The following DAB1 variants were observed in gnomAD, a reference collection of about 807,000 sequenced individuals.
The protein encoded by DAB1 is DAB adaptor protein 1.
In DAB1, 15 loss-of-function variants were observed where a neutral mutation model predicts 64.6. That is an observed-to-expected ratio of 0.23 (90% CI 0.16 to 0.36). The LOEUF is 0.36. Among genes scored for constraint, DAB1 ranks in the 10% least tolerant of loss-of-function variants. DAB1 has a pLI of 1.00. For missense variants in DAB1, 596 were observed against 706.7 expected (o/e 0.84, Z 1.78); for synonymous variants, 235 against 251.9 (o/e 0.93, Z 0.64).
chr1:57,226,047 G>A (rs1667236962), intron 2 of DAB1, among the ~76,000 whole-genome samples: 1 of 151,952 alleles, frequency 6.6e-6, no homozygotes, highest in Non-Finnish European at 1.5e-5. Flanking sequence ...CTCCCTCAAT[G>A]CTCACTCCTT....
intron 7 of DAB1, chr1:57,605,893 CTG>C (rs1304112930): frequency 1.5e-6 from 1 of 663,798 alleles, no homozygotes; most frequent in East Asian, 3.0e-5. Context: ...TAGCTCAGTA[CTG>C]ATGGAAGTAA....
chr1:57,057,823 T>A (rs573103769), intron 9 of DAB1, among the ~76,000 whole-genome samples: 1 of 151,980 alleles, frequency 6.6e-6, no homozygotes, highest in Admixed American at 6.5e-5. Context: ...TTAGCCAGGA[T>A]GGTCTCGATC....
At chr1:57,102,990 A>G (rs1342532732) in intron 4 of DAB1, among the ~76,000 whole-genome samples, 1 of 152,112 alleles carries the variant, frequency 6.6e-6, no homozygotes, top group East Asian at 1.9e-4. Context: ...CAAACAGGAG[A>G]TGAAGGTCAT....
chr1:58,228,927 A>G, intron 4 of DAB1: 1 of 491,342 alleles, frequency 2.0e-6, no homozygotes, highest in Non-Finnish European at 4.0e-6. Flanking sequence ...AATGCAATCA[A>G]ATATGCTGCT....
At chr1:57,206,596 C>T (rs1372614182) in intron 2 of DAB1, among the ~76,000 whole-genome samples, 1 of 152,202 alleles carries the variant, frequency 6.6e-6, no homozygotes, top group African/African-American at 2.4e-5. Flanking sequence ...GTTTGGGGCT[C>T]ATGGTTCTCT....
chr1:58,166,656 G>C (rs1296334827), intron 4 of DAB1, among the ~76,000 whole-genome samples: 1 of 151,884 alleles, frequency 6.6e-6, no homozygotes, highest in Non-Finnish European at 1.5e-5. Context: ...TTTTCATATA[G>C]GCAAATCATG....
rs116684296 is a variant in DAB1, at chr1:58,108,434, C to T, written n.387+42077G>A. ...AAACTAACAATAGTGGATTTACTTA[C>T]CAAGTGCTTCTGATGAAGCCAGGTA... On this transcript the variant is annotated intron_variant and non_coding_transcript_variant, in intron 5 of 20. Transcript: ENST00000485760. Among the ~76,000 whole-genome samples the T allele has an allele frequency of 3.4e-3, 512 of 152,312 alleles. 1 individual carries two copies. The highest frequency in any genetic ancestry group is 5.3e-3 in the Non-Finnish European group (363 of 68,024).
At chr1:57,841,962 G>C (rs1653072406) in intron 1 of DAB1, among the ~76,000 whole-genome samples, 1 of 152,200 alleles carries the variant, frequency 6.6e-6, no homozygotes, top group Admixed American at 6.5e-5. Flanking sequence ...GCATGGTCAG[G>C]CTAGAAATTT....
intron 2 of DAB1, among the ~76,000 whole-genome samples, chr1:57,245,135 G>A (rs544302641): frequency 6.6e-5 from 10 of 152,298 alleles, no homozygotes; most frequent in South Asian, 6.2e-4. Flanking sequence ...GGTGGTCTCA[G>A]GTGGAGATGA....
At chr1:57,916,773 A>G (rs1048507239) in intron 5 of DAB1, among the ~76,000 whole-genome samples, 1 of 152,182 alleles carries the variant, frequency 6.6e-6, no homozygotes, top group African/African-American at 2.4e-5. Flanking sequence ...CCCCTTCTCT[A>G]CTAATAATAC....
chr1:58,257,613 T>C (rs2100413514), intron 4 of DAB1, among the ~76,000 whole-genome samples: 1 of 152,328 alleles, frequency 6.6e-6, no homozygotes, highest in East Asian at 1.9e-4. Flanking sequence ...AACCTTAGGT[T>C]GCACCTCCCC....
chr1:58,032,369 G>A (rs913566215), intron 5 of DAB1, among the ~76,000 whole-genome samples: 1 of 152,120 alleles, frequency 6.6e-6, no homozygotes, highest in African/African-American at 2.4e-5. Flanking sequence ...TCTGTAAATT[G>A]AGATAATAGC....
At chr1:58,518,844 C>T (rs369961588) in intron 2 of DAB1, among the ~76,000 whole-genome samples, 79 of 152,070 alleles carry the variant, frequency 5.2e-4, no homozygotes, top group Middle Eastern at 3.4e-3. Flanking sequence ...TTAAAAGACA[C>T]GAGCTCTAAG....
intron 3 of DAB1, among the ~76,000 whole-genome samples, chr1:58,473,066 C>T (rs1380570730): frequency 3.3e-5 from 5 of 152,156 alleles, no homozygotes; most frequent in Admixed American, 1.3e-4. Flanking sequence ...GACATTTCCC[C>T]GCACCACACT....
At chr1:57,127,873 C>T (rs532496422) in intron 4 of DAB1, among the ~76,000 whole-genome samples, 7 of 152,266 alleles carry the variant, frequency 4.6e-5, no homozygotes, top group African/African-American at 1.7e-4. Context: ...CCTGTCCGGG[C>T]GTGGTAGTTC....
chr1:58,326,133 C>T (rs1458554811), intron 4 of DAB1, among the ~76,000 whole-genome samples: 1 of 152,172 alleles, frequency 6.6e-6, no homozygotes, highest in East Asian at 1.9e-4. Context: ...ACCACATCAC[C>T]ACACTGCTGA....
At chr1:58,520,594 G>A (rs1171537145) in intron 2 of DAB1, among the ~76,000 whole-genome samples, 2 of 152,054 alleles carry the variant, frequency 1.3e-5, no homozygotes, top group Non-Finnish European at 2.9e-5. Flanking sequence ...ACACACACAA[G>A]AACACAGGAG....
chr1:58,353,196 A>C (rs186711622), intron 3 of DAB1, among the ~76,000 whole-genome samples: 2 of 152,186 alleles, frequency 1.3e-5, no homozygotes. Context: ...AATAGACTGA[A>C]TTTTTAAAGG....
chr1:58,121,010 T>G (rs1345295094), intron 5 of DAB1, among the ~76,000 whole-genome samples: 3 of 152,140 alleles, frequency 2.0e-5, no homozygotes, highest in African/African-American at 7.2e-5. Flanking sequence ...ATTAGGGACT[T>G]TGAAAAACAT....
Sources: allele counts gnomAD v4.1 joint callset (sites outside exome capture counted in the v4.1 genomes callset), GRCh38; gene constraint gnomAD v4.1.1; transcripts MANE v1.5; gene names NCBI Gene and HGNC (gene_info 2026-07-23, HGNC 2026-07-21).